CACNA1E: variants seen among roughly 807,000 people sequenced by gnomAD.
CACNA1E encodes the protein voltage-dependent R-type calcium channel subunit alpha-1E.
Under a neutral mutation model 259.2 loss-of-function variants are expected in CACNA1E, and 40 were observed. The observed-to-expected ratio is 0.15, with a 90% CI of 0.12 to 0.20. CACNA1E has a LOEUF of 0.20. Among genes scored for constraint, CACNA1E ranks in the 10% least tolerant of loss-of-function variants. The pLI is 1.00. For missense variants in CACNA1E, 1,874 were observed against 3,040.1 expected, an observed-to-expected ratio of 0.62 and a Z score of 9.02; for synonymous variants, 1,104 against 1,138.5, an observed-to-expected ratio of 0.97 and a Z score of 0.61.
intron 7 of CACNA1E, among the ~76,000 whole-genome samples, chr1:181,687,041 C>T (rs1650650017): frequency 1.3e-5 from 2 of 151,782 alleles, no homozygotes; most frequent in African/African-American, 4.8e-5. Flanking sequence ...TGATTGGGAA[C>T]ATGAGACTGG....
chr1:181,528,367 T>G (rs1178915421), intron 3 of CACNA1E, among the ~76,000 whole-genome samples: 1 of 152,176 alleles, frequency 6.6e-6, no homozygotes, highest in African/African-American at 2.4e-5. Flanking sequence ...TTAAACCTCT[T>G]TTTGTTCCCA....
At chr1:181,701,915 T>C (rs1652300448) in intron 7 of CACNA1E, among the ~76,000 whole-genome samples, 1 of 152,202 alleles carries the variant, frequency 6.6e-6, no homozygotes, top group South Asian at 2.1e-4. Context: ...TGATGATGTT[T>C]TACTGAATTA....
At chr1:181,641,991 C>T (rs145625695) in intron 6 of CACNA1E, among the ~76,000 whole-genome samples, 113 of 152,074 alleles carry the variant, frequency 7.4e-4, no homozygotes, top group Middle Eastern at 3.4e-3. Context: ...GGATTACAGG[C>T]GTGAGCCACC....
At position 181,620,278 on chromosome 1, in the gene CACNA1E, G is replaced by A. The variant is rs534419656; in HGVS notation, c.952-31060G>A. On this transcript the variant is annotated intron_variant, in intron 6 of 47. Coordinates refer to ENST00000367573, the MANE Select transcript of CACNA1E (RefSeq NM_001205293.3). ...GCCTCACTGCCAGGAAAGCAGCCTT[G>A]GGTGTTGAGTCAGCTCTGCTATCAT... Among the ~76,000 whole-genome samples, 8 of 152,224 alleles carry A rather than the reference G, an allele frequency of 5.3e-5. No individual in the cohort carries two copies. The East Asian group carries it at 1.4e-3, about 26-fold the overall frequency.
chr1:181,470,770 G>A (rs1662451792), intron 2 of CACNA1E, among the ~76,000 whole-genome samples: 1 of 151,918 alleles, frequency 6.6e-6, no homozygotes, highest in Admixed American at 6.6e-5. Flanking sequence ...GGAAGCTTTG[G>A]GCCTACTGCT....
intron 1 of CACNA1E, among the ~76,000 whole-genome samples, chr1:181,369,123 C>A (rs1322901429): frequency 1.3e-5 from 2 of 152,184 alleles, no homozygotes; most frequent in South Asian, 4.1e-4. Flanking sequence ...TCAGGACATT[C>A]GTCACTTCAT....
Position 181,466,175 on chromosome 1 carries a change from C to T in CACNA1E, c.435-17569C>T, listed in dbSNP as rs150841520. Among the ~76,000 whole-genome samples, 524 of 152,232 alleles carry T rather than the reference C, an allele frequency of 3.4e-3. 3 individuals are homozygous for T. The highest frequency in any genetic ancestry group is 0.012 in the African/African-American group (512 of 41,532). ...CAGTTCTTTAAGGGTTATAGCTTAG[C>T]GCAGAATCTTAGTTCCAACTTCTGT... On this transcript the variant is annotated intron_variant, in intron 2 of 11. Transcript: ENST00000524607.
At chr1:181,397,842 G>A (rs184387927) in intron 1 of CACNA1E, among the ~76,000 whole-genome samples, 232 of 152,174 alleles carry the variant, frequency 1.5e-3, no homozygotes, top group Non-Finnish European at 2.9e-3. Flanking sequence ...CATTCTCCTG[G>A]TTCTCAAAAT....
intron 1 of CACNA1E, among the ~76,000 whole-genome samples, chr1:181,384,211 T>C (rs1397704263): frequency 1.3e-5 from 2 of 152,172 alleles, no homozygotes; most frequent in African/African-American, 4.8e-5. Flanking sequence ...GAAATCAGTA[T>C]GGTGTTAAGA....
intron 3 of CACNA1E, among the ~76,000 whole-genome samples, chr1:181,569,313 C>G (rs1204305460): frequency 6.6e-6 from 1 of 152,150 alleles, no homozygotes; most frequent in Non-Finnish European, 1.5e-5. Context: ...CTGATGGCAT[C>G]AAGGGGCCCC....
chr1:181,484,266 C>T (rs1663578167), intron 1 of CACNA1E, among the ~76,000 whole-genome samples: 1 of 152,196 alleles, frequency 6.6e-6, no homozygotes, highest in Admixed American at 6.5e-5. Flanking sequence ...GGGTGCATCC[C>T]TTTCTGGGCT....
chr1:181,757,738 T>G (rs1390217615), intron 30 of CACNA1E, among the ~76,000 whole-genome samples: 1 of 152,126 alleles, frequency 6.6e-6, no homozygotes. Context: ...AAGTCCCTAC[T>G]CCATGTGGCA....
At chr1:181,367,609 TATATA>T (rs1429478971) in intron 1 of CACNA1E, among the ~76,000 whole-genome samples, 1 of 147,200 alleles carries the variant, frequency 6.8e-6, no homozygotes, top group Non-Finnish European at 1.5e-5. Flanking sequence ...ATAATATAAT[TATATA>T]ATATATGATT....
chr1:181,590,943 TTA>T lies in CACNA1E; in HGVS notation c.951+10172_951+10173del, dbSNP rs1324594767. Among the ~76,000 whole-genome samples the T allele has an allele frequency of 2.6e-5, 4 of 152,236 alleles. No individual in the cohort carries two copies. In the South Asian group the frequency reaches 6.2e-4, roughly 24 times the overall value. ...TTTCTTGAATCTAAGATGCCATTGA[TTA>T]TATACTCTATCAAAAATTGAATAAT... On this transcript the variant is annotated intron_variant, in intron 6 of 47. Coordinates refer to ENST00000367573, the MANE Select transcript of CACNA1E (RefSeq NM_001205293.3).
chr1:181,756,821 G>A (rs1572812750), intron 29 of CACNA1E, 104 bp from the exon 30 acceptor site: 1 of 797,174 alleles, frequency 1.3e-6, no homozygotes, highest in African/African-American at 1.7e-5. Context: ...TGGAGGATCT[G>A]CAAAGTCAAA....
At chr1:181,600,686 G>A (rs973430013) in intron 6 of CACNA1E, among the ~76,000 whole-genome samples, 12 of 152,160 alleles carry the variant, frequency 7.9e-5, no homozygotes, top group Non-Finnish European at 1.6e-4. Context: ...GGTTGAGCAA[G>A]GTCAAGAGTT....
chr1:181,698,157 A>T (rs1026458396), intron 7 of CACNA1E, among the ~76,000 whole-genome samples: 1 of 152,232 alleles, frequency 6.6e-6, no homozygotes, highest in Non-Finnish European at 1.5e-5. Flanking sequence ...ATTCAGTAAC[A>T]TAGACTTTAT....
rs575193592 is a variant in CACNA1E, at chr1:181,458,499, C to A, written c.435-25245C>A. Among the ~76,000 whole-genome samples, 333 of 152,288 alleles carry A rather than the reference C, an allele frequency of 2.2e-3. 2 individuals carry two copies. Among genetic ancestry groups the A allele is most frequent in the African/African-American group, 7.7e-3 (319 of 41,548 alleles). On this transcript the variant is annotated intron_variant, in intron 2 of 11. Coordinates refer to the CACNA1E transcript ENST00000524607. ...ATGGGACCCTTGTCTGGGCAAGAAC[C>A]GCAAGGGAACACTTGTCCCATCAAC...
intron 3 of CACNA1E, among the ~76,000 whole-genome samples, chr1:181,558,808 A>G (rs6686125): frequency 0.98 from 149,616 of 152,328 alleles, 73,527 homozygotes; most frequent in East Asian, 1. Context: ...ACGGGAGGAA[A>G]GGGTAGGGAG....
Sources: gnomAD v4.1 joint callset for allele counts (sites outside exome capture counted in the v4.1 genomes callset) on GRCh38, gnomAD v4.1.1 for gene constraint, MANE v1.5 for transcripts, NCBI Gene and HGNC (gene_info 2026-07-23, HGNC 2026-07-21) for gene names.